The following UNC79 variants were observed in gnomAD, a reference collection of about 807,000 sequenced individuals.
UNC79 encodes protein unc-79 homolog.
A neutral mutation model predicts 283.1 loss-of-function variants in UNC79; 37 were observed. That is an observed-to-expected ratio of 0.13 (90% CI 0.10 to 0.17). The LOEUF (loss-of-function observed/expected upper bound fraction) is 0.17. UNC79 is among the 10% of genes least tolerant of loss of function. UNC79 has a pLI of 1.00. For synonymous variants in UNC79, 1,107 were observed against 1,200.2 expected (o/e 0.92, Z 1.61); for missense variants, 2,272 against 3,211.1 (o/e 0.71, Z 7.07).
chr14:93,691,888 T>C, exon 46 of UNC79: 1 of 1,614,158 alleles, frequency 6.2e-7, no homozygotes. Context: ...CTGACAGCAC[T>C]AGAATTTTGG....
At chr14:93,343,447 TTATCTGAG>T (rs1289462307) in intron 1 of UNC79, among the ~76,000 whole-genome samples, 1 of 152,250 alleles carries the variant, frequency 6.6e-6, no homozygotes, top group Non-Finnish European at 1.5e-5. Context: ...TGTTGCTTAC[TTATCTGAG>T]TATCTCGATC....
At chr14:93,682,079 T>C (rs539919113) in intron 41 of UNC79, among the ~76,000 whole-genome samples, 1 of 152,222 alleles carries the variant, frequency 6.6e-6, no homozygotes, top group East Asian at 1.9e-4. Flanking sequence ...GTGTGAAAAG[T>C]CCTCTGGGCC....
chr14:93,646,868 A>G (rs2069671403), intron 35 of UNC79, among the ~76,000 whole-genome samples: 1 of 152,192 alleles, frequency 6.6e-6, no homozygotes, highest in African/African-American at 2.4e-5. Flanking sequence ...AATAAAAAAA[A>G]TACCAGCTTG....
At chr14:93,448,921 T>C (rs1421229445) in intron 1 of UNC79, among the ~76,000 whole-genome samples, 2 of 152,204 alleles carry the variant, frequency 1.3e-5, no homozygotes, top group Non-Finnish European at 2.9e-5. Context: ...TCCATCACTT[T>C]CAGATCTTAT....
intron 1 of UNC79, among the ~76,000 whole-genome samples, chr14:93,387,712 G>C (rs2054807382): frequency 6.6e-6 from 1 of 152,190 alleles, no homozygotes; most frequent in African/African-American, 2.4e-5. Flanking sequence ...TGTCTATTCT[G>C]CAGTCGTTGC....
chr14:93,643,562 A>G (rs1230278104), exon 34 of UNC79: 4 of 1,613,800 alleles, frequency 2.5e-6, no homozygotes, highest in East Asian at 4.5e-5. Flanking sequence ...TGCAGATGCC[A>G]TGACTGTGGG....
chr14:93,426,762 A>G (rs959232153), upstream of UNC79, among the ~76,000 whole-genome samples: 7 of 135,454 alleles, frequency 5.2e-5, no homozygotes, highest in African/African-American at 2.7e-4. Flanking sequence ...TACAATCATT[A>G]TAAGCATTTT....
chr14:93,459,818 C>T, intron 1 of UNC79, among the ~76,000 whole-genome samples: 1 of 77,782 alleles, frequency 1.3e-5, no homozygotes, highest in African/African-American at 5.4e-5. Context: ...TTACAGGCGC[C>T]CACCACCACG....
intron 1 of UNC79, among the ~76,000 whole-genome samples, chr14:93,420,829 A>C (rs2055581228): frequency 6.6e-6 from 1 of 151,778 alleles, no homozygotes; most frequent in South Asian, 2.1e-4. Context: ...CAAACGTGGA[A>C]ATTAAGCAAT....
At position 93,529,278 on chromosome 14, in the gene UNC79, T is replaced by C. The variant is rs1344210350; in HGVS notation, c.1053-8T>C. ...AAGCTCAAAAATGAATTTTGTTTTT[T>C]TCAATAGGGACCACAGTGAGTGGCT... On this transcript the variant is annotated splice_polypyrimidine_tract_variant and splice_region_variant and intron_variant, in intron 9 of 48. Coordinates refer to ENST00000555664, the Ensembl canonical transcript of UNC79. 1 of 1,613,236 alleles carries C rather than the reference T, an allele frequency of 6.2e-7. No individual in the cohort carries two copies.
rs2066796871 is a variant in UNC79, at chr14:93,617,246, C to G, written c.4166C>G (p.Ser1389Cys). The G allele has an allele frequency of 6.2e-7, 1 of 1,614,202 alleles. No homozygotes were observed. The highest frequency in any genetic ancestry group is 8.5e-7 in the Non-Finnish European group (1 of 1,180,030). ...CAGCCGCCTCGTTGCTCCCTCTGGTCCCTAAAGCCTCACATCCGGCAGATG... is the reference window on the plus strand; with the variant it reads ...CAGCCGCCTCGTTGCTCCCTCTGGTGCCTAAAGCCTCACATCCGGCAGATG... Residue 1389 changes from serine (S) to cysteine (C), a missense_variant, in exon 28 of 49, where the codon TCC becomes TGC. Coordinates refer to ENST00000555664, the Ensembl canonical transcript of UNC79. This position sits in a 1 kb window ranked among gnomAD's most constrained non-coding sequence, Gnocchi z 4.5.
At chr14:93,675,478 T>G (rs1382484394) in intron 41 of UNC79, among the ~76,000 whole-genome samples, 1 of 152,100 alleles carries the variant, frequency 6.6e-6, no homozygotes, top group East Asian at 1.9e-4. Context: ...AATTCCCACA[T>G]AGTGCAACGG....
At chr14:93,360,651 G>A (rs2054201759) in intron 1 of UNC79, among the ~76,000 whole-genome samples, 1 of 152,180 alleles carries the variant, frequency 6.6e-6, no homozygotes, top group African/African-American at 2.4e-5. Context: ...ATCTTATTCG[G>A]AGAGAACTTG....
chr14:93,540,310 T>G (rs2061315419), intron 12 of UNC79, among the ~76,000 whole-genome samples: 1 of 152,264 alleles, frequency 6.6e-6, no homozygotes, highest in South Asian at 2.1e-4. Flanking sequence ...CTGCACAGTT[T>G]CATGATAGAT....
At chr14:93,537,079 A>C (rs759341561) in intron 11 of UNC79, among the ~76,000 whole-genome samples, 12 of 152,172 alleles carry the variant, frequency 7.9e-5, no homozygotes, top group Non-Finnish European at 1.6e-4. Flanking sequence ...CTGAGTTCAT[A>C]AAGCCTTAGA....
intron 14 of UNC79, among the ~76,000 whole-genome samples, chr14:93,558,510 C>G (rs1444304377): frequency 6.8e-6 from 1 of 146,540 alleles, no homozygotes; most frequent in East Asian, 2.0e-4. Flanking sequence ...GAGCCGAGAT[C>G]GCGCCACTGC....
At chr14:93,385,669 C>T (rs1196730140) in intron 1 of UNC79, among the ~76,000 whole-genome samples, 2 of 151,620 alleles carry the variant, frequency 1.3e-5, no homozygotes, top group African/African-American at 4.9e-5. Flanking sequence ...ATCCCAGCTA[C>T]TTGGTAGGCT....
chr14:93,528,456 G>A (rs575741777), intron 8 of UNC79, 102 bp from the exon 9 acceptor site: 11 of 1,067,818 alleles, frequency 1.0e-5, no homozygotes, highest in Admixed American at 4.5e-5. Context: ...ATTCCACCTC[G>A]CTTGTGGAAA....
At chr14:93,578,236 T>C (rs1023067955) in intron 18 of UNC79, among the ~76,000 whole-genome samples, 173 bp downstream of exon 18, 2 of 152,218 alleles carry the variant, frequency 1.3e-5, no homozygotes, top group Admixed American at 6.5e-5. Context: ...AAACTACTTA[T>C]GTGAATATCT....
Sources: gnomAD v4.1 joint callset for allele counts (sites outside exome capture counted in the v4.1 genomes callset) on GRCh38, gnomAD v4.1.1 for gene constraint, Gnocchi (gnomAD v3.1) non-coding constraint, MANE v1.5 for transcripts, NCBI Gene and HGNC (gene_info 2026-07-23, HGNC 2026-07-21) for gene names.